Variants in CAMSAP1 observed in about 807,000 individuals in gnomAD.
The protein encoded by CAMSAP1 is calmodulin-regulated spectrin-associated protein 1.
In CAMSAP1, 58 loss-of-function variants were observed where a neutral mutation model predicts 143.5. That is an observed-to-expected ratio of 0.40 (90% CI 0.33 to 0.50). The LOEUF is 0.50. CAMSAP1 is among the 20% of genes least tolerant of loss of function. The pLI, the probability that CAMSAP1 is intolerant of heterozygous loss-of-function variation, is 0.45. For missense variants in CAMSAP1, 1,969 were observed against 2,115.7 expected, an observed-to-expected ratio of 0.93 and a Z score of 1.36; for synonymous variants, 945 against 859.3, an observed-to-expected ratio of 1.10 and a Z score of -1.74.
Position 135,821,351 on chromosome 9 carries a change from G to C in CAMSAP1, c.3310C>G (p.Pro1104Ala). The change falls in exon 11 of 17, where the codon CCG becomes GCG. Residue 1104 changes from proline to alanine, a missense_variant. Pro to Ala is a conservative substitution (Grantham distance 27). This residue lies in a region of CAMSAP1 where 1,390 missense variants were observed against 1,420.8 expected (regional missense o/e 0.98). Coordinates refer to ENST00000389532, the MANE Select transcript of CAMSAP1 (RefSeq NM_015447.4). The surrounding 1 kb of genome is among the most constrained non-coding windows in gnomAD (Gnocchi z 4.6). ...TCTTTTGGGACCTTCAGCTCCGCCG[G>C]CCTTCCGGAACGGGAATTCCGGCCT... ...GQGRNSRSGR[P>A]AELKVPKDRP... The C allele has an allele frequency of 6.2e-7, 1 of 1,613,640 alleles. No homozygotes were observed. The highest frequency in any genetic ancestry group is 8.5e-7 in the Non-Finnish European group (1 of 1,179,806).
intron 7 of CAMSAP1, among the ~76,000 whole-genome samples, chr9:135,833,780 A>G (rs1269533253): frequency 6.6e-6 from 1 of 152,240 alleles, no homozygotes; most frequent in Non-Finnish European, 1.5e-5. Context: ...TTATCACACC[A>G]AAAGCACAAC....
intron 1 of CAMSAP1, among the ~76,000 whole-genome samples, chr9:135,899,847 G>A (rs1369030207): frequency 6.6e-6 from 1 of 152,008 alleles, no homozygotes; most frequent in East Asian, 1.9e-4. Flanking sequence ...ATTCCCTCAG[G>A]GGAGTCTCCC....
At chr9:135,819,588 C>T (rs970939316) in intron 11 of CAMSAP1, among the ~76,000 whole-genome samples, 1 of 149,352 alleles carries the variant, frequency 6.7e-6, no homozygotes, top group African/African-American at 2.5e-5. Flanking sequence ...AATCCTAGCA[C>T]TTTGGGAGGC....
chr9:135,894,077 A>G lies in CAMSAP1; in HGVS notation c.161-10999T>C, dbSNP rs545495598. 2.0e-5 allele frequency among the ~76,000 whole-genome samples: 3 copies of G among 152,236 alleles called. No homozygotes were observed. The South Asian group carries it at 6.2e-4, about 32-fold the overall frequency. On this transcript the variant is annotated intron_variant, in intron 1 of 16. Coordinates refer to ENST00000389532, the MANE Select transcript of CAMSAP1 (RefSeq NM_015447.4). ...CAACAGAGGCAACCCAGGTACACTTATTCTGCCCTGGATTGAGTAGGAGTT... is the reference window on the plus strand; with the variant it reads ...CAACAGAGGCAACCCAGGTACACTTGTTCTGCCCTGGATTGAGTAGGAGTT...
rs773885054 is a variant in CAMSAP1, at chr9:135,821,063, C to T, written c.3598G>A (p.Val1200Ile). 1 of 1,614,032 alleles carries T rather than the reference C, an allele frequency of 6.2e-7. No individual in the cohort carries two copies. The highest frequency in any genetic ancestry group is 1.7e-5 in the Admixed American group (1 of 60,028). ...ACCTCCTTCACACTCGCATCCAGAACTTCTTTGAGGCTCATCTGCTCCGAA... is the reference window on the plus strand; with the variant it reads ...ACCTCCTTCACACTCGCATCCAGAATTTCTTTGAGGCTCATCTGCTCCGAA... ...ILSEQMSLKE[V>I]LDASVKEVGS... The change falls in exon 11 of 17, where the codon GTT (valine) becomes ATT (isoleucine). Residue 1200 changes from valine to isoleucine, a missense_variant. This residue lies in a region of CAMSAP1 where 1,390 missense variants were observed against 1,420.8 expected (regional missense o/e 0.98). Coordinates refer to ENST00000389532, the MANE Select transcript of CAMSAP1 (RefSeq NM_015447.4). This position sits in a 1 kb window ranked among gnomAD's most constrained non-coding sequence, Gnocchi z 4.6.
At chr9:135,867,100 G>C (rs1040137506) in intron 3 of CAMSAP1, among the ~76,000 whole-genome samples, 2 of 152,008 alleles carry the variant, frequency 1.3e-5, no homozygotes, top group African/African-American at 4.8e-5. Context: ...AAAGTATGGA[G>C]AAAAACACTC....
chr9:135,824,709 G>T lies in CAMSAP1; in HGVS notation c.1315+80C>A. Reference sequence around the variant, plus strand: ...AAAAAATCACTACATCAGATAAAATGATTTAATTTTGAGAAATATGATTTT... The same window carrying T: ...AAAAAATCACTACATCAGATAAAATTATTTAATTTTGAGAAATATGATTTT... On this transcript the variant is annotated intron_variant, in intron 9 of 16. Transcript: ENST00000389532. This position sits in a 1 kb window ranked among gnomAD's most constrained non-coding sequence, Gnocchi z 4.1. 2 of 1,057,600 alleles carry T rather than the reference G, an allele frequency of 1.9e-6. No individual in the cohort carries two copies. The highest frequency in any genetic ancestry group is 2.7e-6 in the Non-Finnish European group (2 of 739,988). 65.5% of individuals were successfully genotyped at this position (1,057,600 alleles called of 1,614,324 possible). A position where few individuals can be genotyped will look rare whatever the true frequency, so the allele number is the denominator to read the frequency against.
At chr9:135,866,362 G>C in intron 4 of CAMSAP1, 94 bp downstream of exon 4, 1 of 698,030 alleles carries the variant, frequency 1.4e-6, no homozygotes, top group Non-Finnish European at 2.5e-6. Context: ...AGTAAAAATA[G>C]AGAATAAGCA....
chr9:135,816,939 G>A (rs995903330), intron 14 of CAMSAP1, among the ~76,000 whole-genome samples: 3 of 152,178 alleles, frequency 2.0e-5, no homozygotes, highest in African/African-American at 7.2e-5. Context: ...CATCACAGGA[G>A]CGGTCCCGGG....
At chr9:135,905,735 A>T (rs12340226) in intron 1 of CAMSAP1, among the ~76,000 whole-genome samples, 2,464 of 152,380 alleles carry the variant, frequency 0.016, 66 homozygotes, top group African/African-American at 0.055. Context: ...GGCAAAATAC[A>T]AAGAAAAGCA....
chr9:135,810,077 T>C lies in CAMSAP1; in HGVS notation c.*1232A>G, dbSNP rs1588432591. On this transcript the variant is annotated 3_prime_UTR_variant, in exon 17 of 17. Coordinates refer to ENST00000389532, the MANE Select transcript of CAMSAP1 (RefSeq NM_015447.4). ...GGCTCCAGAATCTTCCGGCAGCTGG[T>C]CAGTTGCAGCAGTGTCTGGCAGCCA... 6.6e-6 allele frequency: 1 copy of C among 152,638 alleles called. No homozygotes were observed. 9.5% of individuals were successfully genotyped at this position (152,638 alleles called of 1,614,324 possible). A position where few individuals can be genotyped will look rare whatever the true frequency, so the allele number is the denominator to read the frequency against.
intron 1 of CAMSAP1, among the ~76,000 whole-genome samples, chr9:135,900,745 A>G (rs1261964020): frequency 2.0e-5 from 3 of 151,956 alleles, no homozygotes; most frequent in Non-Finnish European, 4.4e-5. Flanking sequence ...CCAGAAATAA[A>G]AAAAACTCAA....
intron 7 of CAMSAP1, among the ~76,000 whole-genome samples, chr9:135,828,026 G>A (rs1054008976): frequency 6.6e-6 from 1 of 152,260 alleles, no homozygotes; most frequent in African/African-American, 2.4e-5. Flanking sequence ...GTGAGGGACC[G>A]AGGCAGGGTC....
chr9:135,892,737 G>A (rs1838322955), intron 1 of CAMSAP1, among the ~76,000 whole-genome samples: 1 of 150,492 alleles, frequency 6.6e-6, no homozygotes, highest in Admixed American at 6.7e-5. Context: ...TGTAATCCCA[G>A]CTATTCGGGA....
In CAMSAP1 at chr9:135,881,688, G is replaced by A. The variant is rs763408718; in HGVS notation, c.530C>T (p.Ala177Val). The A allele has an allele frequency of 4.5e-6, 7 of 1,551,790 alleles. No individual in the cohort carries two copies. The South Asian group carries it at 8.3e-5, about 18-fold the overall frequency. ...ASVKRFSTFSASKELPYDLED... is the reference protein window; with the variant it reads ...ASVKRFSTFSVSKELPYDLED... ...GAGGTCGTACGGAAGTTCTTTCGAG[G>A]CACTGAACGTTGAGAAGCGCTTGAC... The change falls in exon 3 of 17, where the codon GCC becomes GTC. Residue 177 changes from alanine (A) to valine (V), a missense_variant. Coordinates refer to ENST00000389532, the MANE Select transcript of CAMSAP1 (RefSeq NM_015447.4).
At chr9:135,868,781 T>A (rs1837473313) in intron 3 of CAMSAP1, among the ~76,000 whole-genome samples, 1 of 152,000 alleles carries the variant, frequency 6.6e-6, no homozygotes, top group Non-Finnish European at 1.5e-5. Flanking sequence ...CACGCCTGGC[T>A]AATTTTTTGT....
chr9:135,853,214 C>T (rs1379325346), intron 5 of CAMSAP1, among the ~76,000 whole-genome samples: 1 of 151,980 alleles, frequency 6.6e-6, no homozygotes, highest in East Asian at 1.9e-4. Context: ...CACCAAGGGC[C>T]ACTACTCACA....
intron 3 of CAMSAP1, among the ~76,000 whole-genome samples, chr9:135,877,790 C>T (rs1837803737): frequency 6.6e-6 from 1 of 151,838 alleles, no homozygotes; most frequent in Non-Finnish European, 1.5e-5. Context: ...CAGCCTGGGC[C>T]ACAAAACGAG....
intron 3 of CAMSAP1, among the ~76,000 whole-genome samples, chr9:135,874,092 T>C (rs989327347): frequency 6.6e-6 from 1 of 152,170 alleles, no homozygotes; most frequent in Non-Finnish European, 1.5e-5. Flanking sequence ...TGTAATTCAT[T>C]GTATCAACAG....
Sources: gnomAD v4.1 joint callset for allele counts (sites outside exome capture counted in the v4.1 genomes callset) on GRCh38, gnomAD v4.1.1 for gene constraint, gnomAD v4.1.1 regional missense constraint, Gnocchi (gnomAD v3.1) non-coding constraint, MANE v1.5 for transcripts, NCBI Gene and HGNC (gene_info 2026-07-23, HGNC 2026-07-21) for gene names.